Variants in ZHX3 observed in about 807,000 individuals in gnomAD.
The protein encoded by ZHX3 is zinc fingers and homeoboxes protein 3.
Under a neutral mutation model 64.5 loss-of-function variants are expected in ZHX3, and 20 were observed. That is an observed-to-expected ratio of 0.31 (90% CI 0.22 to 0.45). The LOEUF is 0.45. Ranked by LOEUF, ZHX3 falls within the 20% of genes least tolerant of loss-of-function variation. ZHX3 has a pLI of 1.00. For missense variants in ZHX3, 1,041 were observed against 1,195.8 expected (o/e 0.87, Z 1.91); for synonymous variants, 423 against 461.6 (o/e 0.92, Z 1.07).
intron 1 of ZHX3, among the ~76,000 whole-genome samples, chr20:41,296,465 G>GAAAT (rs757528668): frequency 5.1e-4 from 77 of 152,254 alleles, no homozygotes; most frequent in Non-Finnish European, 9.7e-4. Context: ...CTATAACATG[G>GAAAT]AAATAATACT....
In ZHX3 at chr20:41,230,683, T is replaced by C. The variant is rs76034744; in HGVS notation, c.-150-25617A>G. On this transcript the variant is annotated intron_variant, in intron 2 of 3. Transcript: ENST00000683867. ...AATTGGGTTAAATAAAATGTATTAT[T>C]AAAATTAATTTGACTTGTGTTTCTT... is the stretch of plus-strand genomic sequence containing the variant. Among the ~76,000 whole-genome samples the C allele has an allele frequency of 7.9e-3, 1,198 of 152,314 alleles. 11 individuals carry two copies. The highest frequency in any genetic ancestry group is 0.027 in the African/African-American group (1,132 of 41,570).
At chr20:41,213,465 A>G (rs546220302) in intron 2 of ZHX3, among the ~76,000 whole-genome samples, 25 of 152,292 alleles carry the variant, frequency 1.6e-4, no homozygotes, top group African/African-American at 5.8e-4. Flanking sequence ...GTGGCCCTAG[A>G]GAAGCTGAAT....
intron 2 of ZHX3, chr20:41,213,761 A>G (rs1221218197): frequency 1.3e-5 from 2 of 152,240 alleles, no homozygotes; most frequent in African/African-American, 4.8e-5. Flanking sequence ...CAACATGAAG[A>G]TGGATTTGAT....
At chr20:41,302,468 C>A (rs1332564377) in intron 1 of ZHX3, among the ~76,000 whole-genome samples, 1 of 152,196 alleles carries the variant, frequency 6.6e-6, no homozygotes, top group African/African-American at 2.4e-5. Flanking sequence ...TGGCCCTTCC[C>A]GAACTCTGCC....
chr20:41,235,415 T>C (rs1363560903), intron 2 of ZHX3, among the ~76,000 whole-genome samples: 3 of 152,170 alleles, frequency 2.0e-5, no homozygotes, highest in African/African-American at 7.2e-5. Context: ...TCAAAAAGCT[T>C]ATCTACCATG....
At chr20:41,312,360 T>A (rs974468142) in intron 1 of ZHX3, among the ~76,000 whole-genome samples, 1 of 152,148 alleles carries the variant, frequency 6.6e-6, no homozygotes, top group South Asian at 2.1e-4. Flanking sequence ...AGCAACCCAC[T>A]CGTGTTCCCT....
chr20:41,267,428 A>C (rs1269900322), intron 2 of ZHX3: 2 of 152,228 alleles, frequency 1.3e-5, no homozygotes, highest in African/African-American at 4.8e-5. Flanking sequence ...TCCTAACGTA[A>C]GCATTCTTCA....
chr20:41,314,318 TA>T (rs751317407), intron 1 of ZHX3, among the ~76,000 whole-genome samples: 7 of 151,690 alleles, frequency 4.6e-5, no homozygotes, highest in African/African-American at 1.2e-4. Flanking sequence ...TTTAAAATGT[TA>T]AAAAAAAATT....
chr20:41,301,241 C>A (rs778098719), intron 1 of ZHX3, among the ~76,000 whole-genome samples: 1 of 151,942 alleles, frequency 6.6e-6, no homozygotes, highest in African/African-American at 2.4e-5. Flanking sequence ...TTTCCCCCAC[C>A]GACTACACTC....
chr20:41,206,327 T>C (rs1319490837), intron 2 of ZHX3, among the ~76,000 whole-genome samples: 1 of 152,170 alleles, frequency 6.6e-6, no homozygotes, highest in East Asian at 1.9e-4. Flanking sequence ...GAAGAGGGCT[T>C]CAGACGATCA....
chr20:41,251,182 C>T (rs2041975960), intron 2 of ZHX3, among the ~76,000 whole-genome samples: 1 of 151,838 alleles, frequency 6.6e-6, no homozygotes, highest in Non-Finnish European at 1.5e-5. Context: ...TATAGATTAT[C>T]CTCCTGTAGT....
At chr20:41,291,675 T>A (rs1354700358) in intron 1 of ZHX3, among the ~76,000 whole-genome samples, 4 of 152,106 alleles carry the variant, frequency 2.6e-5, no homozygotes. Flanking sequence ...TATGCATATG[T>A]ATACACACAC....
At chr20:41,239,797 C>T (rs758853240) in intron 2 of ZHX3, 1 of 152,194 alleles carries the variant, frequency 6.6e-6, no homozygotes, top group Non-Finnish European at 1.5e-5. Context: ...CCTGTGATTC[C>T]CAGTATCAAG....
chr20:41,243,459 A>G (rs1386923196), intron 2 of ZHX3, among the ~76,000 whole-genome samples: 1 of 152,226 alleles, frequency 6.6e-6, no homozygotes, highest in African/African-American at 2.4e-5. Flanking sequence ...ACCAGGTTCT[A>G]TGCTAACATC....
In ZHX3 at chr20:41,202,542, T is replaced by C. The variant is rs1257820948; in HGVS notation, c.2375A>G (p.Gln792Arg). 1 of 1,614,148 alleles carries C rather than the reference T, an allele frequency of 6.2e-7. No individual in the cohort carries two copies. Among genetic ancestry groups the C allele is most frequent in the Admixed American group, 1.7e-5 (1 of 60,020 alleles). Reference protein sequence around the residue: ...LFVQTQWPSNQDYDSIMAQTG... With the variant: ...LFVQTQWPSNRDYDSIMAQTG... ...CTGGGCCATGATGGAGTCATAGTCC[T>C]GGTTGCTTGGCCACTGTGTCTGGAC... Residue 792 changes from glutamine (Q) to arginine (R), a missense_variant, in exon 3 of 4, where the codon CAG (glutamine) becomes CGG (arginine). By Grantham distance (43) the Gln-to-Arg change is conservative. Transcript: ENST00000683867. The surrounding 1 kb of genome is among the most constrained non-coding windows in gnomAD (Gnocchi z 7.0).
intron 1 of ZHX3, among the ~76,000 whole-genome samples, chr20:41,273,695 ACTGATCT>A (rs2043254048): frequency 6.6e-6 from 1 of 152,104 alleles, no homozygotes; most frequent in Non-Finnish European, 1.5e-5. Flanking sequence ...GTTTTATTCC[ACTGATCT>A]ATATGTCTAT....
chr20:41,267,659 G>A (rs549959639), intron 2 of ZHX3: 1 of 152,314 alleles, frequency 6.6e-6, no homozygotes, highest in South Asian at 2.1e-4. Flanking sequence ...GGTATGGTAA[G>A]GTATCATTTT....
intron 2 of ZHX3, among the ~76,000 whole-genome samples, chr20:41,255,227 C>T (rs1254319806): frequency 6.6e-6 from 1 of 152,150 alleles, no homozygotes; most frequent in East Asian, 1.9e-4. Context: ...TCTCGGCTCA[C>T]TGCAAGCTCC....
At chr20:41,258,487 C>T (rs1239694091) in intron 2 of ZHX3, among the ~76,000 whole-genome samples, 2 of 152,160 alleles carry the variant, frequency 1.3e-5, no homozygotes, top group African/African-American at 2.4e-5. Context: ...TCTCCTGCAG[C>T]CTGTGACAGT....
Sources: gnomAD v4.1 joint callset for allele counts (sites outside exome capture counted in the v4.1 genomes callset) on GRCh38, gnomAD v4.1.1 for gene constraint, Gnocchi (gnomAD v3.1) non-coding constraint, MANE v1.5 for transcripts, NCBI Gene and HGNC (gene_info 2026-07-23, HGNC 2026-07-21) for gene names.